The following CCSER1 variants were observed in gnomAD, a reference collection of about 807,000 sequenced individuals.
The protein encoded by CCSER1 is coiled-coil serine rich protein 1.
Under a neutral mutation model 82.0 loss-of-function variants are expected in CCSER1, and 41 were observed. The observed-to-expected ratio is 0.50, with a 90% CI of 0.39 to 0.65. The LOEUF (loss-of-function observed/expected upper bound fraction) is 0.65. CCSER1 is among the 30% of genes least tolerant of loss of function. CCSER1 has a pLI of 0.00. For synonymous variants in CCSER1, 414 were observed against 383.9 expected (o/e 1.08, Z -0.92); for missense variants, 1,119 against 1,064.2 (o/e 1.05, Z -0.72).
At chr4:90,543,852 G>A (rs905996173) in intron 5 of CCSER1, among the ~76,000 whole-genome samples, 1 of 152,074 alleles carries the variant, frequency 6.6e-6, no homozygotes, top group Non-Finnish European at 1.5e-5. Flanking sequence ...GTGAATAATT[G>A]GTCAGATATA....
intron 10 of CCSER1, among the ~76,000 whole-genome samples, chr4:91,597,422 G>A (rs1172792113): frequency 6.6e-6 from 1 of 152,020 alleles, no homozygotes; most frequent in African/African-American, 2.4e-5. Context: ...TGGATGACTT[G>A]AGATTATATT....
intron 5 of CCSER1, among the ~76,000 whole-genome samples, chr4:90,559,747 T>C (rs1293319431): frequency 1.4e-5 from 2 of 144,572 alleles, no homozygotes; most frequent in African/African-American, 2.7e-5. Context: ...GAGGCGGAGC[T>C]TGCAGTGCGC....
rs139141228 is a variant in CCSER1, at chr4:90,914,116, A to T, written c.2095-9254A>T. 3.2e-4 allele frequency among the ~76,000 whole-genome samples: 49 copies of T among 152,272 alleles called. No individual in the cohort carries two copies. The East Asian group carries it at 9.5e-3, about 29-fold the overall frequency. On this transcript the variant is annotated intron_variant, in intron 8 of 10. Coordinates refer to ENST00000509176, the MANE Select transcript of CCSER1 (RefSeq NM_001145065.2). ...AGAAAGTTAACAAGTATATCCAGGA[A>T]TTGAATTCAGCTGTGCACCAAGTGG...
chr4:90,391,781 AAAG>A (rs1751198788), intron 3 of CCSER1, among the ~76,000 whole-genome samples: 1 of 151,796 alleles, frequency 6.6e-6, no homozygotes, highest in Admixed American at 6.6e-5. Flanking sequence ...TCTAGTACAC[AAAG>A]AAGAATGAAG....
intron 1 of CCSER1, among the ~76,000 whole-genome samples, chr4:90,228,283 G>A (rs1166779764): frequency 6.6e-6 from 1 of 152,174 alleles, no homozygotes; most frequent in South Asian, 2.1e-4. Flanking sequence ...TCTGAGAACG[G>A]GCAGACTGCC....
At chr4:91,486,383 AC>A (rs1758220883) in intron 10 of CCSER1, among the ~76,000 whole-genome samples, 1 of 152,048 alleles carries the variant, frequency 6.6e-6, no homozygotes, top group African/African-American at 2.4e-5. Flanking sequence ...GATTAGAGAC[AC>A]TTTTTTGAAA....
At chr4:91,457,359 A>C (rs1756237918) in intron 10 of CCSER1, among the ~76,000 whole-genome samples, 1 of 152,122 alleles carries the variant, frequency 6.6e-6, no homozygotes, top group Admixed American at 6.6e-5. Flanking sequence ...TTCAACCCAG[A>C]AGACATTTTC....
chr4:90,771,581 AAG>A (rs1554009976), intron 7 of CCSER1, among the ~76,000 whole-genome samples: 1 of 150,450 alleles, frequency 6.6e-6, no homozygotes, highest in Non-Finnish European at 1.5e-5. Flanking sequence ...AAAAAAAAAA[AAG>A]AAAAGAAAAA....
chr4:91,308,381 A>G (rs192253255), intron 10 of CCSER1, among the ~76,000 whole-genome samples: 1 of 152,150 alleles, frequency 6.6e-6, no homozygotes, highest in East Asian at 1.9e-4. Context: ...GAAATGTTCC[A>G]TAAGTGGAAG....
chr4:90,992,436 A>G (rs952755069), intron 9 of CCSER1, among the ~76,000 whole-genome samples: 1 of 152,002 alleles, frequency 6.6e-6, no homozygotes, highest in Admixed American at 6.6e-5. Flanking sequence ...CCAAGTAATG[A>G]TATTACAACA....
intron 10 of CCSER1, among the ~76,000 whole-genome samples, chr4:91,563,957 AGTTT>A (rs1018821839): frequency 8.4e-4 from 127 of 151,892 alleles, no homozygotes; most frequent in Non-Finnish European, 7.4e-4. Flanking sequence ...GTGTCATGAT[AGTTT>A]GTTATAAATA....
chr4:91,046,245 T>C (rs559747865), intron 9 of CCSER1, among the ~76,000 whole-genome samples: 3 of 152,126 alleles, frequency 2.0e-5, no homozygotes, highest in South Asian at 4.2e-4. Context: ...TCAAACCTAA[T>C]GTTGTCATCC....
chr4:90,876,916 C>A (rs1280529246), intron 8 of CCSER1, among the ~76,000 whole-genome samples: 1 of 152,000 alleles, frequency 6.6e-6, no homozygotes, highest in Non-Finnish European at 1.5e-5. Flanking sequence ...TTTTAACAGG[C>A]AAAATATAAA....
intron 1 of CCSER1, among the ~76,000 whole-genome samples, chr4:90,219,592 G>A (rs1741744341): frequency 6.6e-6 from 1 of 152,068 alleles, no homozygotes; most frequent in Non-Finnish European, 1.5e-5. Flanking sequence ...TCACTTGTGA[G>A]TTTAATCTTA....
intron 1 of CCSER1, among the ~76,000 whole-genome samples, chr4:90,264,456 G>A (rs994266143): frequency 6.6e-6 from 1 of 152,106 alleles, no homozygotes; most frequent in Admixed American, 6.5e-5. Context: ...TAAAAAGTTA[G>A]TTTATTACAG....
intron 8 of CCSER1, among the ~76,000 whole-genome samples, chr4:90,864,984 T>C (rs1489373875): frequency 6.6e-6 from 1 of 152,046 alleles, no homozygotes; most frequent in Non-Finnish European, 1.5e-5. Flanking sequence ...AGATAACTTT[T>C]CCATATGTCT....
intron 9 of CCSER1, among the ~76,000 whole-genome samples, chr4:91,080,813 C>A (rs1033526643): frequency 1.3e-5 from 2 of 152,122 alleles, no homozygotes; most frequent in Non-Finnish European, 2.9e-5. Context: ...ACCAGAAAAT[C>A]TAGAAGAAAT....
intron 5 of CCSER1, among the ~76,000 whole-genome samples, chr4:90,623,302 G>T (rs572833544): frequency 6.7e-4 from 102 of 152,124 alleles, no homozygotes; most frequent in African/African-American, 2.3e-3. Flanking sequence ...CCAAAGTGCT[G>T]GGATTACAGG....
At chr4:90,298,017 T>C (rs1049696248) in intron 1 of CCSER1, among the ~76,000 whole-genome samples, 1 of 152,134 alleles carries the variant, frequency 6.6e-6, no homozygotes, top group Non-Finnish European at 1.5e-5. Flanking sequence ...ATAAAATGAG[T>C]TAGGGAGGAT....
Sources: allele counts gnomAD v4.1 joint callset (sites outside exome capture counted in the v4.1 genomes callset), GRCh38; gene constraint gnomAD v4.1.1; transcripts MANE v1.5; gene names NCBI Gene and HGNC (gene_info 2026-07-23, HGNC 2026-07-21).